Variants in EXOC3L1 observed in about 807,000 individuals in gnomAD.
EXOC3L1 encodes exocyst complex component 3 like 1.
In EXOC3L1, 79 loss-of-function variants were observed where a neutral mutation model predicts 83.6. The observed-to-expected ratio is 0.95, with a 90% CI of 0.79 to 1.14. EXOC3L1 has a LOEUF of 1.14. EXOC3L1 is among the 50% of genes most tolerant of loss of function. The probability of loss-of-function intolerance (pLI) is 0.00; values close to 1 mark genes in which losing one functional copy is unlikely to be tolerated. For synonymous variants in EXOC3L1, 433 were observed against 451.2 expected (o/e 0.96, Z 0.51); for missense variants, 945 against 972.0 (o/e 0.97, Z 0.37).
intron 4 of EXOC3L1, among the ~76,000 whole-genome samples, chr16:67,188,228 A>C (rs1482880121): frequency 6.6e-6 from 1 of 152,072 alleles, no homozygotes; most frequent in African/African-American, 2.4e-5. Flanking sequence ...TGGGTGACAG[A>C]GTGAGACTCT....
intron 11 of EXOC3L1, 35 bp downstream of exon 11, chr16:67,185,101 C>T (rs757029621): frequency 1.9e-6 from 3 of 1,612,540 alleles, no homozygotes; most frequent in African/African-American, 2.7e-5. Context: ...CTCTCACCCG[C>T]GCCGCCCCTT....
At position 67,186,887 on chromosome 16, in the gene EXOC3L1, G is replaced by A. The variant is rs201107172; in HGVS notation, c.1159-3C>T. ...TGCAGCCACTGAGACACACTTGCCT[G>A]GGGGGAGGGGCCAGGGGCAAAGGAA... On this transcript the variant is annotated splice_region_variant and splice_polypyrimidine_tract_variant and intron_variant, in intron 6 of 13. Coordinates refer to ENST00000314586, the MANE Select transcript of EXOC3L1 (RefSeq NM_178516.4). The A allele has an allele frequency of 1.9e-6, 3 of 1,613,438 alleles. No homozygotes were observed. Among genetic ancestry groups the A allele is most frequent in the Admixed American group, 3.3e-5 (2 of 60,030 alleles).
At position 67,188,787 on chromosome 16, in the gene EXOC3L1, G is replaced by T. The variant is rs752329601; in HGVS notation, c.361C>A (p.Arg121=). 3.1e-6 allele frequency: 5 copies of T among 1,613,160 alleles called. No homozygotes were observed. The African/African-American group carries it at 4.0e-5, about 13-fold the overall frequency. Residue 121 remains arginine (R), a synonymous_variant, in exon 4 of 14, where the codon CGG becomes AGG. Transcript: ENST00000314586. The part of the protein sequence containing the change: ...SQALQTLEPL[R]ERVAQHKQLQ... ...TGCTTGTGCTGGGCAACCCGCTCCC[G>T]TAGGGGCTCTAGAGTCTGTAAGGCC...
At chr16:67,187,184 G>T in intron 5 of EXOC3L1, 41 bp downstream of exon 5, 1 of 1,611,310 alleles carries the variant, frequency 6.2e-7, no homozygotes. Context: ...CAAGCCCCCA[G>T]CCTCTGATCC....
In EXOC3L1 at chr16:67,189,176, A is replaced by G. The variant is rs935376451; in HGVS notation, c.51T>C (p.Pro17=). 1.3e-6 allele frequency: 2 copies of G among 1,594,654 alleles called. No individual in the cohort carries two copies. Among genetic ancestry groups the G allele is most frequent in the South Asian group, 2.2e-5 (2 of 90,342 alleles). The part of the protein sequence containing the change: ...DEMQPALSPG[P]EWPEQERAEQ... Reference sequence around the variant, plus strand: ...CTGCCCGCTCCTGCTCTGGCCACTCAGGTCCTGGGAAGGAAGAGCCTGGGC... The same window carrying G: ...CTGCCCGCTCCTGCTCTGGCCACTCGGGTCCTGGGAAGGAAGAGCCTGGGC... The change falls in exon 3 of 14, where the codon CCT becomes CCC. Residue 17 remains proline, a synonymous_variant. Transcript: ENST00000314586.
At chr16:67,189,564 A>G in intron 2 of EXOC3L1, 67 bp downstream of exon 2, 2 of 1,588,896 alleles carry the variant, frequency 1.3e-6, no homozygotes, top group South Asian at 2.2e-5. Flanking sequence ...GGCGTGAGCC[A>G]CTGCGCCCAG....
At position 67,184,971 on chromosome 16, in the gene EXOC3L1, G is replaced by A. The variant is rs766527114; in HGVS notation, c.1836C>T (p.Asp612=). The A allele has an allele frequency of 9.9e-6, 16 of 1,609,914 alleles. No homozygotes were observed. Among genetic ancestry groups the A allele is most frequent in the African/African-American group, 1.3e-5 (1 of 74,806 alleles). The change falls in exon 12 of 14, where the codon GAC becomes GAT. Residue 612 remains aspartate (D), a synonymous_variant. Transcript: ENST00000314586. ...GGCGCTCGGCCGCCTGGGTCCTCTC[G>A]TCGGCTCCGCGGCACACCAGGCGGC... ...MQGRLVCRGA[D]ERTQAAERLR...
intron 12 of EXOC3L1, 31 bp downstream of exon 12, chr16:67,184,871 T>C: frequency 1.2e-6 from 2 of 1,610,770 alleles, no homozygotes; most frequent in Non-Finnish European, 1.7e-6. Flanking sequence ...ACTGAGACTC[T>C]CGCCCGTCTG....
chr16:67,184,633 C>T (rs761773205), intron 13 of EXOC3L1, 29 bp from the exon 14 acceptor site: 16 of 1,583,366 alleles, frequency 1.0e-5, no homozygotes, highest in Non-Finnish European at 1.2e-5. Context: ...GGCGCGTCAG[C>T]CCCGTCCTCC....
In EXOC3L1 at chr16:67,185,048, C is replaced by CCAG. The variant is rs1162002136; in HGVS notation, c.1756_1758dup (p.Leu586dup). 1.2e-6 allele frequency: 2 copies of CCAG among 1,609,494 alleles called. No homozygotes were observed. On this transcript the variant is annotated inframe_insertion, in exon 12 of 14. Coordinates refer to ENST00000314586, the MANE Select transcript of EXOC3L1 (RefSeq NM_178516.4). The stretch of plus-strand genomic sequence containing the variant: ...AGCACCACGGCACGCTCGGCCTCAG[C>CCAG]CAGCAGCAGCTGCGGGGAGGCAATC...
chr16:67,185,446 G>A lies in EXOC3L1; in HGVS notation c.1541C>T (p.Ala514Val), dbSNP rs142958191. 6.2e-7 allele frequency: 1 copy of A among 1,610,816 alleles called. No homozygotes were observed. Among genetic ancestry groups the A allele is most frequent in the East Asian group, 2.2e-5 (1 of 44,846 alleles). ...CAGCGCAGCTTCCACTGGAGCCAAG[G>A]CCCCTGAAGGCGCCCCGTCCAGCTG... is the stretch of plus-strand genomic sequence containing the variant. ...VLQLDGAPSG[A>V]LAPVEAALDE... The change falls in exon 10 of 14, where the codon GCC becomes GTC. Residue 514 changes from alanine (A) to valine (V), a missense_variant. Ala to Val is a moderately conservative substitution (Grantham distance 64). Coordinates refer to ENST00000314586, the MANE Select transcript of EXOC3L1 (RefSeq NM_178516.4).
intron 9 of EXOC3L1, chr16:67,185,691 C>G (rs1427411156): frequency 8.5e-6 from 5 of 588,438 alleles, no homozygotes; most frequent in Non-Finnish European, 1.5e-5. Flanking sequence ...CACAGCCCAG[C>G]GAGACCTGCC....
rs117403380 is a variant in EXOC3L1, at chr16:67,188,925, A to T, written c.223T>A (p.Tyr75Asn). The T allele has an allele frequency of 7.0e-3, 11,276 of 1,612,934 alleles. 69 individuals are homozygous for T. The highest frequency in any genetic ancestry group is 7.2e-3 in the Non-Finnish European group (8,517 of 1,179,892). ...ACACCAGTCTGCACGCCTTCCAGGT[A>T]TGACTGCATCACTGACTGTGGAAAG... ...ESRLKSVMQS[Y>N]LEGVQTGVWQ... The change falls in exon 4 of 14, where the codon TAC becomes AAC. Residue 75 changes from tyrosine to asparagine, a missense_variant. By Grantham distance (143) the Tyr-to-Asn change is moderately radical. Transcript: ENST00000314586.
At position 67,187,304 on chromosome 16, in the gene EXOC3L1, G is replaced by T; in HGVS notation, c.961C>A (p.Gln321Lys). 6.2e-7 allele frequency: 1 copy of T among 1,612,956 alleles called. No homozygotes were observed. The highest frequency in any genetic ancestry group is 8.5e-7 in the Non-Finnish European group (1 of 1,180,000). The change falls in exon 5 of 14, where the codon CAG becomes AAG. Residue 321 changes from glutamine (Q) to lysine (K), a missense_variant. Coordinates refer to ENST00000314586, the MANE Select transcript of EXOC3L1 (RefSeq NM_178516.4). ...TLHSGLRRSL[Q>K]NLLAGPELEA... ...AGCTCAGGCCCTGCAAGGAGGTTCT[G>T]CAGGCTGCGGCGCAAACCACTATGC...
At position 67,186,551 on chromosome 16, in the gene EXOC3L1, G is replaced by A. The variant is rs772648216; in HGVS notation, c.1385+6C>T. ...GGATCAGGAATGGGTCAGTGCCTCA[G>A]CAAACCTCCTCAAGAATGTGCCCAG... On this transcript the variant is annotated splice_donor_region_variant and intron_variant, in intron 8 of 13. Coordinates refer to ENST00000314586, the MANE Select transcript of EXOC3L1 (RefSeq NM_178516.4). 1.2e-6 allele frequency: 2 copies of A among 1,613,438 alleles called. No individual in the cohort carries two copies. The highest frequency in any genetic ancestry group is 3.3e-5 in the Admixed American group (2 of 60,018).
intron 3 of EXOC3L1, 28 bp downstream of exon 3, chr16:67,188,992 G>A (rs374715081): frequency 6.2e-7 from 1 of 1,604,832 alleles, no homozygotes; most frequent in Non-Finnish European, 8.5e-7. Context: ...CACAGTCCCA[G>A]CACCCGCACC....
At position 67,187,379 on chromosome 16, in the gene EXOC3L1, G is replaced by GCC; in HGVS notation, c.885_886insGG (p.Pro296GlyfsTer35). ...ACGTTGTACTGTGGCGGGCAGCAAG[G>GCC]CGCTACTAGTGCCTCAGCTGTGGCC... On this transcript the variant is annotated frameshift_variant, in exon 5 of 14. Transcript: ENST00000314586. LOFTEE classifies it high-confidence loss of function. 6.2e-7 allele frequency: 1 copy of GCC among 1,612,710 alleles called. No homozygotes were observed. Among genetic ancestry groups the GCC allele is most frequent in the South Asian group, 1.1e-5 (1 of 91,086 alleles).
In EXOC3L1 at chr16:67,189,004, C is replaced by T; in HGVS notation, c.207+16G>A. 6.2e-7 allele frequency: 1 copy of T among 1,604,106 alleles called. No homozygotes were observed. Among genetic ancestry groups the T allele is most frequent in the South Asian group, 1.1e-5 (1 of 90,664 alleles). ...CAGCACAGTCCCAGCACCCGCACCC[C>T]CTGCCCCATGCCCACCTTGAGGCGC... On this transcript the variant is annotated intron_variant, in intron 3 of 13. Transcript: ENST00000314586.
chr16:67,187,802 C>T lies in EXOC3L1; in HGVS notation c.463G>A (p.Asp155Asn). 6.2e-7 allele frequency: 1 copy of T among 1,608,812 alleles called. No individual in the cohort carries two copies. The highest frequency in any genetic ancestry group is 8.5e-7 in the Non-Finnish European group (1 of 1,177,416). ...AAVSHTQTLI[D>N]GQQFLEAYVS... ...TATGCCTCCAAGAACTGTTGGCCAT[C>T]AATCAGAGTCTGTGTGTGGGACACT... Residue 155 changes from aspartate to asparagine, a missense_variant, in exon 5 of 14, where the codon GAT becomes AAT. Transcript: ENST00000314586.
Sources: gnomAD v4.1 joint callset for allele counts (sites outside exome capture counted in the v4.1 genomes callset) on GRCh38, gnomAD v4.1.1 for gene constraint, MANE v1.5 for transcripts, NCBI Gene and HGNC (gene_info 2026-07-23, HGNC 2026-07-21) for gene names.